ANAPC5: variants seen among roughly 807,000 people sequenced by gnomAD.
The protein encoded by ANAPC5 is anaphase promoting complex subunit 5.
ANAPC5 carries 60 observed loss-of-function variants against 91.3 expected under a neutral mutation model. That is an observed-to-expected ratio of 0.66 (90% CI 0.53 to 0.81). The LOEUF is 0.81. ANAPC5 is among the 40% of genes least tolerant of loss of function. The pLI is 0.00. For missense variants in ANAPC5, 690 were observed against 931.5 expected, an observed-to-expected ratio of 0.74 and a Z score of 3.37; for synonymous variants, 340 against 364.1, an observed-to-expected ratio of 0.93 and a Z score of 0.75.
chr12:121,309,652 A>C (rs923373266), intron 16 of ANAPC5, 49 bp downstream of exon 16: 1 of 1,548,520 alleles, frequency 6.5e-7, no homozygotes, highest in Non-Finnish European at 8.7e-7. Context: ...CTAAACTTTC[A>C]ATGCTTTCTG....
Position 121,347,190 on chromosome 12 carries a change from T to G in ANAPC5, c.288-185A>C, listed in dbSNP as rs1392973059. 1.1e-5 allele frequency: 6 copies of G among 524,296 alleles called. No individual in the cohort carries two copies. The South Asian group carries it at 1.4e-4, about 12-fold the overall frequency. 32.5% of individuals were successfully genotyped at this position (524,296 alleles called of 1,614,324 possible). On this transcript the variant is annotated intron_variant, in intron 2 of 16. Coordinates refer to ENST00000261819, the MANE Select transcript of ANAPC5 (RefSeq NM_016237.5). ...CTCCCGTATTTCTGAAAAGTATCATTGTTGTTTTCTTGATCATAAAATTTG... is the reference window on the plus strand; with the variant it reads ...CTCCCGTATTTCTGAAAAGTATCATGGTTGTTTTCTTGATCATAAAATTTG...
intron 15 of ANAPC5, among the ~76,000 whole-genome samples, chr12:121,312,625 T>G (rs1484224355): frequency 6.8e-6 from 1 of 147,206 alleles, no homozygotes; most frequent in East Asian, 2.0e-4. Context: ...AAGAATCACT[T>G]GAGCCTGGGA....
intron 2 of ANAPC5, 44 bp downstream of exon 2, chr12:121,347,758 T>C (rs1555274834): frequency 1.4e-6 from 2 of 1,446,416 alleles, no homozygotes; most frequent in South Asian, 2.3e-5. Context: ...GATTTTCATC[T>C]ACCTTCACAC....
chr12:121,338,866 G>A (rs546500007), intron 5 of ANAPC5, among the ~76,000 whole-genome samples: 1 of 151,350 alleles, frequency 6.6e-6, no homozygotes, highest in African/African-American at 2.4e-5. Context: ...AACATATATT[G>A]TGTATACATT....
chr12:121,353,324 C>G (rs967634957), upstream of ANAPC5, among the ~76,000 whole-genome samples: 1 of 152,164 alleles, frequency 6.6e-6, no homozygotes, highest in African/African-American at 2.4e-5. Context: ...TTCTCTATAC[C>G]CTGAATTATT....
chr12:121,342,011 A>G lies in ANAPC5; in HGVS notation c.649T>C (p.Ser217Pro). Residue 217 changes from serine (S) to proline (P), a missense_variant, in exon 5 of 17, where the codon TCT (serine) becomes CCT (proline). Physicochemically the swap from Ser to Pro is moderately conservative, Grantham distance 74. This residue lies in a region of ANAPC5 where 238 missense variants were observed against 264.9 expected (regional missense o/e 0.90). Transcript: ENST00000261819. This position sits in a 1 kb window ranked among gnomAD's most constrained non-coding sequence, Gnocchi z 4.1. ...TTACAGAATTCACATACCTGTTGAG[A>G]AAGAAAAAATTCTGCTTGTTTTTGG... ...LSQKQAEFFL[S>P]QQASLLKNDE... The G allele has an allele frequency of 1.2e-6, 2 of 1,610,626 alleles. 1 individual carries two copies.
rs545104692 is a variant in ANAPC5 at position 121,342,395 on chromosome 12, T to G, written c.591-326A>C. On this transcript the variant is annotated intron_variant, in intron 4 of 16. Transcript: ENST00000261819. This position sits in a 1 kb window ranked among gnomAD's most constrained non-coding sequence, Gnocchi z 4.1. Reference sequence around the variant, plus strand: ...AGGTGGATCCTTATCTAACACCATATTCAAAAATTAACTCACAAGGACTCA... The same window carrying G: ...AGGTGGATCCTTATCTAACACCATAGTCAAAAATTAACTCACAAGGACTCA... Among the ~76,000 whole-genome samples the G allele has an allele frequency of 1.4e-4, 22 of 152,234 alleles. No individual in the cohort carries two copies. The highest frequency in any genetic ancestry group is 5.3e-4 in the African/African-American group (22 of 41,552).
intron 5 of ANAPC5, among the ~76,000 whole-genome samples, chr12:121,339,862 C>A (rs1555273890): frequency 7.5e-6 from 1 of 133,754 alleles, no homozygotes; most frequent in Admixed American, 7.5e-5. Flanking sequence ...TACATGTTTT[C>A]TTCCAGTTTT....
chr12:121,347,316 TA>T (rs1369225534), intron 2 of ANAPC5: 1 of 336,010 alleles, frequency 3.0e-6, no homozygotes, highest in African/African-American at 2.2e-5. Flanking sequence ...AAAAAAGCTA[TA>T]AAACAGTATG....
chr12:121,334,387 T>C (rs1311534037), intron 7 of ANAPC5: 1 of 152,222 alleles, frequency 6.6e-6, no homozygotes, highest in African/African-American at 2.4e-5. Flanking sequence ...GTGAACACTA[T>C]GCTCCCATTA....
In ANAPC5 at chr12:121,328,436, GC is replaced by G; in HGVS notation, c.1183del (p.Ala395GlnfsTer4). ...VQQRAFAGKT[A>X]NKLMDALKDS... is the part of the protein sequence containing the mutation. ...CTTTAGGGCATCCATCAGCTTGTTT[GC>G]CGTCTTCCCAGCAAAAGCTCTCTGT... On this transcript the variant is annotated frameshift_variant, in exon 10 of 17. Coordinates refer to ENST00000261819, the MANE Select transcript of ANAPC5 (RefSeq NM_016237.5). LOFTEE classifies it high-confidence loss of function. 5.0e-6 allele frequency: 8 copies of G among 1,613,920 alleles called. No homozygotes were observed. Among genetic ancestry groups the G allele is most frequent in the Non-Finnish European group, 6.8e-6 (8 of 1,179,996 alleles).
rs1555273606 is a variant in ANAPC5, at chr12:121,337,362, C to A, written c.688G>T (p.Ala230Ser). 6.2e-7 allele frequency: 1 copy of A among 1,613,618 alleles called. No individual in the cohort carries two copies. The highest frequency in any genetic ancestry group is 8.5e-7 in the Non-Finnish European group (1 of 1,179,674). The part of the protein sequence containing the change: ...ASLLKNDETK[A>S]LTPASLQKEL... ...TTCTGCAAGGAAGCTGGAGTGAGGG[C>A]CTTAGTCTCATCATTCTTTAGCAAA... Residue 230 changes from alanine (A) to serine (S), a missense_variant, in exon 6 of 17, where the codon GCC (alanine) becomes TCC (serine). Coordinates refer to ENST00000261819, the MANE Select transcript of ANAPC5 (RefSeq NM_016237.5).
intron 5 of ANAPC5, among the ~76,000 whole-genome samples, chr12:121,339,120 T>C (rs964681828): frequency 5.4e-5 from 8 of 147,864 alleles, no homozygotes; most frequent in African/African-American, 2.0e-4. Flanking sequence ...AGTGGCACAA[T>C]CTTGGCTCAC....
chr12:121,326,106 C>G (rs562387164), intron 11 of ANAPC5, among the ~76,000 whole-genome samples: 1 of 152,160 alleles, frequency 6.6e-6, no homozygotes, highest in African/African-American at 2.4e-5. Flanking sequence ...CTGGCAAAGG[C>G]GCCGTGGAAC....
chr12:121,319,077 T>C (rs1902491280), intron 13 of ANAPC5, among the ~76,000 whole-genome samples: 1 of 150,832 alleles, frequency 6.6e-6, no homozygotes, highest in Admixed American at 6.6e-5. Flanking sequence ...TATGAATGTG[T>C]GTGTGAGCAT....
chr12:121,329,668 T>C (rs1184012158), intron 9 of ANAPC5, among the ~76,000 whole-genome samples: 3 of 149,282 alleles, frequency 2.0e-5, no homozygotes, highest in Non-Finnish European at 4.4e-5. Context: ...CAGGCTGGAG[T>C]GCAATGGCAC....
chr12:121,352,354 T>C lies in ANAPC5; in HGVS notation c.-14A>G, dbSNP rs1566201916. ...GACGCTGGCCATGGCGGCCCGAGAC[T>C]AAGTCTCGGGCCCGCGGCGCGCTGC... On this transcript the variant is annotated 5_prime_UTR_variant, in exon 1 of 17. Transcript: ENST00000261819. 6.3e-7 allele frequency: 1 copy of C among 1,586,014 alleles called. No individual in the cohort carries two copies. The highest frequency in any genetic ancestry group is 8.6e-7 in the Non-Finnish European group (1 of 1,162,204).
In ANAPC5 at chr12:121,347,742, T is replaced by G. The variant is rs1248808917; in HGVS notation, c.287+60A>C. 6.0e-5 allele frequency: 80 copies of G among 1,331,232 alleles called. 1 individual carries two copies. The South Asian group carries it at 9.4e-4, about 16-fold the overall frequency. The allele number at this position is 1,331,232 out of a possible 1,614,324, so 82.5% of individuals were successfully genotyped here. On this transcript the variant is annotated intron_variant, in intron 2 of 16. Coordinates refer to ENST00000261819, the MANE Select transcript of ANAPC5 (RefSeq NM_016237.5). ...TAAAAGAATTAACTACCACATACCC[T>G]TTTGTGATTTTCATCTACCTTCACA...
chr12:121,335,765 A>G (rs543465606), intron 6 of ANAPC5, 42 bp from the exon 7 acceptor site: 1 of 1,531,446 alleles, frequency 6.5e-7, no homozygotes, highest in African/African-American at 1.4e-5. Context: ...CGCTGTAAAT[A>G]TCTCTGGTGT....
Sources: allele counts gnomAD v4.1 joint callset (sites outside exome capture counted in the v4.1 genomes callset), GRCh38; gene constraint gnomAD v4.1.1; regional missense constraint gnomAD v4.1.1; non-coding constraint Gnocchi (gnomAD v3.1); transcripts MANE v1.5; gene names NCBI Gene and HGNC (gene_info 2026-07-23, HGNC 2026-07-21).